Variants in SBNO2 observed in about 807,000 individuals in gnomAD.
SBNO2 encodes the protein strawberry notch homolog 2.
SBNO2 carries 89 observed loss-of-function variants against 146.3 expected under a neutral mutation model. The observed-to-expected ratio is 0.61, with a 90% CI of 0.51 to 0.73. SBNO2 has a LOEUF of 0.73. SBNO2 is among the 30% of genes least tolerant of loss of function. SBNO2 has a pLI of 0.00. For synonymous variants in SBNO2, 1,147 were observed against 892.6 expected (o/e 1.29, Z -5.08); for missense variants, 2,092 against 2,003.7 (o/e 1.04, Z -0.84).
chr19:1,160,405 G>A (rs1279280511), intron 1 of SBNO2, among the ~76,000 whole-genome samples: 1 of 152,214 alleles, frequency 6.6e-6, no homozygotes, highest in African/African-American at 2.4e-5. Flanking sequence ...AGGAGGCCCA[G>A]TATTACAATG....
At chr19:1,147,044 T>C (rs2080197405) in intron 4 of SBNO2, among the ~76,000 whole-genome samples, 1 of 152,010 alleles carries the variant, frequency 6.6e-6, no homozygotes, top group African/African-American at 2.4e-5. Context: ...CAACTCCCTC[T>C]GTGGCATTGC....
chr19:1,112,612 T>C lies in SBNO2; in HGVS notation c.2380-75A>G. The C allele has an allele frequency of 1.3e-6, 2 of 1,487,830 alleles. No individual in the cohort carries two copies. The highest frequency in any genetic ancestry group is 1.4e-5 in the African/African-American group (1 of 71,932). The allele number at this position is 1,487,830 out of a possible 1,614,324, so 92.2% of individuals were successfully genotyped here. ...GCGTTGCCGCCACCTCCTCACCCAC[T>C]AGGCCCCCGCTCCAGGTCACCAGGA... On this transcript the variant is annotated intron_variant, in intron 20 of 31. Coordinates refer to ENST00000361757, the MANE Select transcript of SBNO2 (RefSeq NM_014963.3). This position sits in a 1 kb window ranked among gnomAD's most constrained non-coding sequence, Gnocchi z 5.9.
chr19:1,131,662 A>G (rs983938666), intron 4 of SBNO2, among the ~76,000 whole-genome samples: 2 of 152,110 alleles, frequency 1.3e-5, no homozygotes, highest in Non-Finnish European at 2.9e-5. Flanking sequence ...CAAGAGCCCC[A>G]TAAGACACCC....
chr19:1,153,110 A>G (rs962934706), intron 2 of SBNO2, among the ~76,000 whole-genome samples: 58 of 151,750 alleles, frequency 3.8e-4, no homozygotes, highest in Non-Finnish European at 2.1e-4. Flanking sequence ...CCGAGATCGC[A>G]CCACTGCACT....
intron 1 of SBNO2, among the ~76,000 whole-genome samples, chr19:1,171,512 G>T (rs1376757743): frequency 1.3e-5 from 2 of 152,094 alleles, no homozygotes; most frequent in African/African-American, 4.8e-5. Flanking sequence ...ACATGATACC[G>T]CCCCCTTCCC....
At chr19:1,169,052 G>A (rs1279585774) in intron 1 of SBNO2, 1 of 152,280 alleles carries the variant, frequency 6.6e-6, no homozygotes, top group Non-Finnish European at 1.5e-5. Context: ...TTCTTGCTGG[G>A]GATGGAGGTC....
In SBNO2 at chr19:1,144,049, G is replaced by A. The variant is rs1342890687; in HGVS notation, c.279+3260C>T. Among the ~76,000 whole-genome samples the A allele has an allele frequency of 1.3e-5, 2 of 152,186 alleles. No individual in the cohort carries two copies. Among genetic ancestry groups the A allele is most frequent in the Non-Finnish European group, 2.9e-5 (2 of 68,016 alleles). On this transcript the variant is annotated intron_variant, in intron 4 of 31. Transcript: ENST00000361757. This position sits in a 1 kb window ranked among gnomAD's most constrained non-coding sequence, Gnocchi z 4.1. ...CTGCGCTGGGGGGCACGGCGCAAAG[G>A]GCCTCGAACACCAGGCTCAGGTCTG...
intron 1 of SBNO2, among the ~76,000 whole-genome samples, chr19:1,159,957 C>T (rs1388961971): frequency 6.6e-6 from 1 of 152,002 alleles, no homozygotes; most frequent in Non-Finnish European, 1.5e-5. Context: ...TGAGGGAGAC[C>T]CCAGAGTGTC....
At chr19:1,111,859 T>C in intron 23 of SBNO2, 137 bp downstream of exon 23, 4 of 903,580 alleles carry the variant, frequency 4.4e-6, no homozygotes, top group Non-Finnish European at 6.6e-6. Context: ...CTGGGGGTCC[T>C]AGACCCGGCC....
chr19:1,147,778 C>A (rs1467851815), intron 3 of SBNO2, among the ~76,000 whole-genome samples: 1 of 152,130 alleles, frequency 6.6e-6, no homozygotes, highest in South Asian at 2.1e-4. Flanking sequence ...CCATCCCTCC[C>A]CCACACACAG....
chr19:1,108,113 A>T lies in SBNO2; in HGVS notation c.*107T>A. 8.1e-7 allele frequency: 1 copy of T among 1,237,668 alleles called. No homozygotes were observed. The highest frequency in any genetic ancestry group is 1.1e-6 in the Non-Finnish European group (1 of 948,058). The allele number at this position is 1,237,668 out of a possible 1,614,324, so 76.7% of individuals were successfully genotyped here. A position where few individuals can be genotyped will look rare whatever the true frequency, so the allele number is the denominator to read the frequency against. On this transcript the variant is annotated 3_prime_UTR_variant, in exon 32 of 32. Coordinates refer to ENST00000361757, the MANE Select transcript of SBNO2 (RefSeq NM_014963.3). ...GCTGAAGGCACTGCGGCCAGGGCCT[A>T]GGGCTCCTCTGAGCAGTGGTCAGGG...
intron 2 of SBNO2, 31 bp from the exon 3 acceptor site, chr19:1,149,473 G>C (rs1003164439): frequency 2.6e-6 from 4 of 1,543,040 alleles, no homozygotes; most frequent in Non-Finnish European, 3.5e-6. Flanking sequence ...CAGTGAGTGG[G>C]AAGCAGAGGA....
At chr19:1,130,740 C>T (rs2080018825) in intron 4 of SBNO2, among the ~76,000 whole-genome samples, 1 of 148,808 alleles carries the variant, frequency 6.7e-6, no homozygotes, top group African/African-American at 2.5e-5. Context: ...TGCAGGGAGC[C>T]GAGATCGTGC....
chr19:1,134,538 A>G (rs923574975), intron 4 of SBNO2, among the ~76,000 whole-genome samples: 17 of 152,248 alleles, frequency 1.1e-4, no homozygotes, highest in African/African-American at 4.1e-4. Context: ...AAAGACGCCA[A>G]ACACAGAAGG....
chr19:1,171,518 T>C (rs1193692199), intron 1 of SBNO2, among the ~76,000 whole-genome samples: 4 of 152,110 alleles, frequency 2.6e-5, no homozygotes, highest in Non-Finnish European at 5.9e-5. Context: ...TACCGCCCCC[T>C]TCCCAGAGCT....
At chr19:1,153,090 C>G (rs965400081) in intron 2 of SBNO2, among the ~76,000 whole-genome samples, 1 of 151,624 alleles carries the variant, frequency 6.6e-6, no homozygotes, top group Admixed American at 6.6e-5. Flanking sequence ...GAGGCAGAGG[C>G]TGCAGTGAGC....
intron 1 of SBNO2, among the ~76,000 whole-genome samples, chr19:1,172,787 G>GCCCC (rs1163080772): frequency 2.2e-5 from 1 of 46,262 alleles, no homozygotes; most frequent in African/African-American, 1.6e-4. Flanking sequence ...CGCCCCCCCC[G>GCCCC]CCCCGGCAAA....
chr19:1,121,294 A>C (rs2079898151), intron 11 of SBNO2, among the ~76,000 whole-genome samples: 1 of 152,256 alleles, frequency 6.6e-6, no homozygotes, highest in Non-Finnish European at 1.5e-5. Context: ...GCCGCCACGT[A>C]GCAGCTCAGC....
chr19:1,157,684 C>T lies in SBNO2; in HGVS notation c.-126-3282G>A, dbSNP rs916500832. Among the ~76,000 whole-genome samples, 1 of 152,118 alleles carries T rather than the reference C, an allele frequency of 6.6e-6. No individual in the cohort carries two copies. Among genetic ancestry groups the T allele is most frequent in the African/African-American group, 2.4e-5 (1 of 41,408 alleles). On this transcript the variant is annotated intron_variant, in intron 1 of 31. Transcript: ENST00000361757. The surrounding 1 kb of genome is among the most constrained non-coding windows in gnomAD (Gnocchi z 6.8). The stretch of plus-strand genomic sequence containing the variant: ...TCTGAAATCAGGTCTTCAAGGGAGT[C>T]GTTGTAAAAGAGAACGATGAAGGTG...
Sources: gnomAD v4.1 joint callset for allele counts (sites outside exome capture counted in the v4.1 genomes callset) on GRCh38, gnomAD v4.1.1 for gene constraint, Gnocchi (gnomAD v3.1) non-coding constraint, MANE v1.5 for transcripts, NCBI Gene and HGNC (gene_info 2026-07-23, HGNC 2026-07-21) for gene names.